FAF1: variants seen among roughly 807,000 people sequenced by gnomAD.
The protein encoded by FAF1 is Fas associated factor 1, also known as FAS-associated factor 1.
Under a neutral mutation model 92.5 loss-of-function variants are expected in FAF1, and 25 were observed. The observed-to-expected ratio is 0.27, with a 90% CI of 0.20 to 0.38. The LOEUF (loss-of-function observed/expected upper bound fraction) is 0.38, where lower values mean the gene tolerates loss of function less well. FAF1 is among the 10% of genes least tolerant of loss of function. FAF1 has a pLI of 1.00. For missense variants in FAF1, 636 were observed against 793.3 expected, an observed-to-expected ratio of 0.80 and a Z score of 2.38; for synonymous variants, 234 against 273.2, an observed-to-expected ratio of 0.86 and a Z score of 1.42.
intron 2 of FAF1, among the ~76,000 whole-genome samples, chr1:50,835,590 A>G (rs1229582416): frequency 2.0e-5 from 3 of 149,160 alleles, no homozygotes; most frequent in Admixed American, 2.0e-4. Flanking sequence ...AAAAAAAAAA[A>G]AAAAATCACT....
chr1:50,583,925 T>C lies in FAF1; in HGVS notation c.968-210A>G, dbSNP rs919351974. Among the ~76,000 whole-genome samples, 1 of 152,030 alleles carries C rather than the reference T, an allele frequency of 6.6e-6. No homozygotes were observed. Among genetic ancestry groups the C allele is most frequent in the Non-Finnish European group, 1.5e-5 (1 of 67,912 alleles). On this transcript the variant is annotated intron_variant, in intron 10 of 18. Transcript: ENST00000396153. This position sits in a 1 kb window ranked among gnomAD's most constrained non-coding sequence, Gnocchi z 4.2. ...CATCAAACCAGAATCAAAAAGAACC[T>C]TAAAATATTCCAAGCTCATAAATTT...
chr1:50,552,806 A>G (rs1035630325), intron 13 of FAF1, among the ~76,000 whole-genome samples: 14 of 152,334 alleles, frequency 9.2e-5, no homozygotes, highest in African/African-American at 3.4e-4. Flanking sequence ...AATGAAGAGT[A>G]GTATGAAATA....
intron 15 of FAF1, among the ~76,000 whole-genome samples, chr1:50,497,643 A>AG (rs1646916857): frequency 7.7e-6 from 1 of 130,224 alleles, no homozygotes; most frequent in Non-Finnish European, 1.5e-5. Flanking sequence ...CCACCCCCCC[A>AG]GGTTTAAGCA....
chr1:50,684,396 G>A (rs758588078), intron 7 of FAF1, among the ~76,000 whole-genome samples: 2 of 152,030 alleles, frequency 1.3e-5, no homozygotes, highest in Middle Eastern at 3.4e-3. Flanking sequence ...GGGTCAGGCA[G>A]TAGAGGAATA....
intron 7 of FAF1, among the ~76,000 whole-genome samples, chr1:50,666,447 T>A (rs1327161825): frequency 6.6e-6 from 1 of 151,800 alleles, no homozygotes; most frequent in East Asian, 2.0e-4. Context: ...ACTCAAGCAA[T>A]CCTCCCACCT....
At chr1:50,834,188 C>G (rs1197085843) in intron 2 of FAF1, among the ~76,000 whole-genome samples, 1 of 152,202 alleles carries the variant, frequency 6.6e-6, no homozygotes, top group Non-Finnish European at 1.5e-5. Context: ...GCCTGCTTCC[C>G]CTTTGTTTTC....
chr1:50,764,034 A>G (rs1660464377), intron 4 of FAF1, among the ~76,000 whole-genome samples: 2 of 152,206 alleles, frequency 1.3e-5, no homozygotes, highest in South Asian at 2.1e-4. Context: ...GAGGAGATAT[A>G]AGAATCCAGC....
At chr1:50,466,550 A>G (rs1646498565) in intron 18 of FAF1, among the ~76,000 whole-genome samples, 1 of 152,250 alleles carries the variant, frequency 6.6e-6, no homozygotes, top group African/African-American at 2.4e-5. Context: ...GAGCGCTTAG[A>G]TAATGCCAGT....
At chr1:50,658,244 A>C (rs566679634) in intron 7 of FAF1, among the ~76,000 whole-genome samples, 2 of 152,242 alleles carry the variant, frequency 1.3e-5, no homozygotes, top group Admixed American at 1.3e-4. Context: ...AATTTCTTGA[A>C]ATTATTTTTC....
intron 17 of FAF1, among the ~76,000 whole-genome samples, chr1:50,479,791 GAA>G (rs1235840843): frequency 3.3e-5 from 5 of 152,178 alleles, no homozygotes; most frequent in African/African-American, 7.2e-5. Flanking sequence ...TCCCCAGAAA[GAA>G]AACAGACCTC....
chr1:50,554,097 C>T (rs1175673129), intron 13 of FAF1, among the ~76,000 whole-genome samples: 5 of 150,584 alleles, frequency 3.3e-5, no homozygotes, highest in Admixed American at 6.7e-5. Context: ...AACAAAAGGT[C>T]CATGGACTTC....
intron 15 of FAF1, among the ~76,000 whole-genome samples, chr1:50,516,505 C>T (rs1266856250): frequency 6.6e-6 from 1 of 152,146 alleles, no homozygotes; most frequent in Non-Finnish European, 1.5e-5. Flanking sequence ...GACCGAAATA[C>T]CAAGCACGCA....
At chr1:50,486,201 G>A (rs549273687) in intron 17 of FAF1, among the ~76,000 whole-genome samples, 23 of 152,252 alleles carry the variant, frequency 1.5e-4, no homozygotes, top group African/African-American at 5.1e-4. Flanking sequence ...GGCATAAAAG[G>A]AAACAGTTTG....
intron 7 of FAF1, among the ~76,000 whole-genome samples, chr1:50,698,918 T>C (rs1182142526): frequency 6.6e-6 from 1 of 152,114 alleles, no homozygotes; most frequent in Non-Finnish European, 1.5e-5. Context: ...TTAAAACTTA[T>C]TGACATAAAA....
intron 6 of FAF1, among the ~76,000 whole-genome samples, chr1:50,716,676 C>T (rs745679084): frequency 5.3e-4 from 80 of 152,160 alleles, no homozygotes; most frequent in Non-Finnish European, 1.0e-3. Context: ...CTGGGTCTAG[C>T]TAAAGGATTG....
chr1:50,885,695 A>G (rs1644655997), intron 1 of FAF1, among the ~76,000 whole-genome samples: 1 of 152,198 alleles, frequency 6.6e-6, no homozygotes, highest in Admixed American at 6.5e-5. Context: ...TACCATGAAT[A>G]AGTAAAGATT....
At chr1:50,509,633 C>G (rs371207630) in intron 15 of FAF1, among the ~76,000 whole-genome samples, 1 of 151,906 alleles carries the variant, frequency 6.6e-6, no homozygotes, top group African/African-American at 2.4e-5. Flanking sequence ...ATCAAAAAAG[C>G]AAAAGAAGTG....
At chr1:50,789,440 A>G (rs1206140488) in intron 3 of FAF1, among the ~76,000 whole-genome samples, 1 of 152,134 alleles carries the variant, frequency 6.6e-6, no homozygotes, top group Non-Finnish European at 1.5e-5. Context: ...CATTACTCCT[A>G]GTATCAACTC....
At chr1:50,464,734 T>C (rs1646473557) in intron 18 of FAF1, among the ~76,000 whole-genome samples, 1 of 152,272 alleles carries the variant, frequency 6.6e-6, no homozygotes, top group Non-Finnish European at 1.5e-5. Context: ...TTATCACTTT[T>C]GATCTTATCA....
Sources: gnomAD v4.1 joint callset for allele counts (sites outside exome capture counted in the v4.1 genomes callset) on GRCh38, gnomAD v4.1.1 for gene constraint, Gnocchi (gnomAD v3.1) non-coding constraint, MANE v1.5 for transcripts, NCBI Gene and HGNC (gene_info 2026-07-23, HGNC 2026-07-21) for gene names.